SAE1: variants seen among roughly 807,000 people sequenced by gnomAD.
The protein encoded by SAE1 is SUMO1 activating enzyme subunit 1.
A neutral mutation model predicts 40.6 loss-of-function variants in SAE1; 11 were observed. The observed-to-expected ratio is 0.27, with a 90% confidence interval of 0.17 to 0.45. The LOEUF (loss-of-function observed/expected upper bound fraction) is 0.45, where lower values mean the gene tolerates loss of function less well. Ranked by LOEUF, SAE1 falls within the 20% of genes least tolerant of loss-of-function variation. The pLI is 1.00. For synonymous variants in SAE1, 155 were observed against 154.3 expected (o/e 1.00, Z -0.03); for missense variants, 373 against 427.3 (o/e 0.87, Z 1.12).
intron 6 of SAE1, among the ~76,000 whole-genome samples, chr19:47,173,262 G>C (rs1393232795): frequency 1.3e-5 from 2 of 152,184 alleles, no homozygotes; most frequent in Non-Finnish European, 2.9e-5. Flanking sequence ...CTCCCAAAGT[G>C]CTGGGATTAG....
chr19:47,144,897 TCTCCGCACACTGCAAC>T (rs1168794186), intron 2 of SAE1, among the ~76,000 whole-genome samples: 1 of 152,162 alleles, frequency 6.6e-6, no homozygotes, highest in East Asian at 1.9e-4. Context: ...AATGGCGCAA[TCTCCGCACACTGCAAC>T]CTCCGCTTCC....
chr19:47,203,763 A>C (rs2058668548), intron 8 of SAE1, 23 bp downstream of exon 8: 1 of 1,602,240 alleles, frequency 6.2e-7, no homozygotes, highest in African/African-American at 1.3e-5. Context: ...TGTGGAGCAG[A>C]AAATTGTTAA....
At chr19:47,191,477 A>G (rs1469186528) in intron 6 of SAE1, among the ~76,000 whole-genome samples, 1 of 152,212 alleles carries the variant, frequency 6.6e-6, no homozygotes, top group Non-Finnish European at 1.5e-5. Context: ...AGACCCAGAA[A>G]GGGTATCAAC....
chr19:47,157,648 C>G (rs900617755), intron 5 of SAE1, among the ~76,000 whole-genome samples: 2 of 152,244 alleles, frequency 1.3e-5, no homozygotes, highest in African/African-American at 4.8e-5. Flanking sequence ...CAGCCCAGGC[C>G]TTTGCCCACC....
intron 7 of SAE1, among the ~76,000 whole-genome samples, chr19:47,202,390 C>T (rs896468859): frequency 7.9e-5 from 12 of 151,846 alleles, no homozygotes; most frequent in African/African-American, 9.7e-5. Flanking sequence ...CAGGTTCAAG[C>T]GATTCTCCTG....
At chr19:47,170,069 G>T in intron 6 of SAE1, 146 bp downstream of exon 6, 1 of 649,918 alleles carries the variant, frequency 1.5e-6, no homozygotes. Context: ...TGAGAAAGGG[G>T]TGGTCACTTG....
At chr19:47,156,228 A>G (rs2058323777) in intron 5 of SAE1, among the ~76,000 whole-genome samples, 1 of 151,372 alleles carries the variant, frequency 6.6e-6, no homozygotes, top group Admixed American at 6.6e-5. Context: ...CCATGGTCAC[A>G]CCACTGCACC....
Position 47,203,089 on chromosome 19 carries a change from T to A in SAE1, c.879-582T>A, listed in dbSNP as rs567264236. 2.4e-4 allele frequency among the ~76,000 whole-genome samples: 36 copies of A among 152,268 alleles called. No individual in the cohort carries two copies. The South Asian group carries it at 6.8e-3, about 29-fold the overall frequency. On this transcript the variant is annotated intron_variant, in intron 7 of 8. Coordinates refer to ENST00000270225, the MANE Select transcript of SAE1 (RefSeq NM_005500.3). ...GAAGTGGTGGAATTAAGTGATTTGC[T>A]TACTAGGATGGGTAACTTGGAGGGG...
intron 6 of SAE1, among the ~76,000 whole-genome samples, chr19:47,177,001 A>C (rs1446345487): frequency 6.6e-6 from 1 of 152,252 alleles, no homozygotes; most frequent in Non-Finnish European, 1.5e-5. Flanking sequence ...ACTTACCAGC[A>C]TGAACAATAA....
At chr19:47,170,500 C>G (rs971068777) in intron 6 of SAE1, among the ~76,000 whole-genome samples, 1 of 139,888 alleles carries the variant, frequency 7.1e-6, no homozygotes, top group African/African-American at 2.6e-5. Flanking sequence ...CACCGCCCCC[C>G]GCCTTTTTTT....
intron 1 of SAE1, among the ~76,000 whole-genome samples, chr19:47,133,759 C>T (rs2058161530): frequency 6.6e-6 from 1 of 152,106 alleles, no homozygotes; most frequent in Admixed American, 6.6e-5. Flanking sequence ...TGAGCACCTA[C>T]CTGGAACGAT....
At chr19:47,179,065 G>A (rs937375264) in intron 6 of SAE1, among the ~76,000 whole-genome samples, 4 of 151,606 alleles carry the variant, frequency 2.6e-5, no homozygotes, top group Admixed American at 6.6e-5. Context: ...GGTGGCGGGC[G>A]TCTGTAGTCT....
chr19:47,136,179 C>G, intron 1 of SAE1, among the ~76,000 whole-genome samples: 1 of 151,864 alleles, frequency 6.6e-6, no homozygotes. Flanking sequence ...CGCTCTGTTG[C>G]CCAGGCTAGA....
chr19:47,189,566 G>A (rs773385683), intron 6 of SAE1, among the ~76,000 whole-genome samples: 3 of 151,840 alleles, frequency 2.0e-5, no homozygotes, highest in Admixed American at 6.6e-5. Context: ...GTCTTAAAAC[G>A]AACAAACAAA....
intron 5 of SAE1, among the ~76,000 whole-genome samples, chr19:47,158,424 A>G (rs1371235416): frequency 1.3e-5 from 2 of 152,164 alleles, no homozygotes; most frequent in African/African-American, 4.8e-5. Flanking sequence ...TTTCGTCACA[A>G]TCAGGTCTCG....
chr19:47,132,967 A>C (rs1600141353), intron 1 of SAE1, among the ~76,000 whole-genome samples: 1 of 151,608 alleles, frequency 6.6e-6, no homozygotes. Flanking sequence ...GGTTGTTTTG[A>C]TAGGTTGGCC....
chr19:47,142,823 T>C (rs1191826509), intron 1 of SAE1, among the ~76,000 whole-genome samples: 1 of 152,234 alleles, frequency 6.6e-6, no homozygotes, highest in African/African-American at 2.4e-5. Flanking sequence ...GCTTGTATGA[T>C]TTCTGTCTCA....
At position 47,203,557 on chromosome 19, in the gene SAE1, C is replaced by T; in HGVS notation, c.879-114C>T. ...CATTAACACTGCTATCTGAATCGGG[C>T]CCTCCTGCTAGAAGTTGTTTTTATT... is the stretch of plus-strand genomic sequence containing the variant. On this transcript the variant is annotated intron_variant, in intron 7 of 8. Coordinates refer to ENST00000270225, the MANE Select transcript of SAE1 (RefSeq NM_005500.3). The T allele has an allele frequency of 3.6e-6, 3 of 834,578 alleles. 1 individual carries two copies. The allele number at this position is 834,578 out of a possible 1,614,324, so 51.7% of individuals were successfully genotyped here. A position where few individuals can be genotyped will look rare whatever the true frequency, so the allele number is the denominator to read the frequency against.
At chr19:47,197,432 G>T in intron 7 of SAE1, 55 bp downstream of exon 7, 1 of 1,505,038 alleles carries the variant, frequency 6.6e-7, no homozygotes, top group Non-Finnish European at 9.0e-7. Flanking sequence ...TTGTTTTCAG[G>T]ATTTGCCTTA....
Sources: allele counts gnomAD v4.1 joint callset (sites outside exome capture counted in the v4.1 genomes callset), GRCh38; gene constraint gnomAD v4.1.1; transcripts MANE v1.5; gene names NCBI Gene and HGNC (gene_info 2026-07-23, HGNC 2026-07-21).